Variants in MCC observed in about 807,000 individuals in gnomAD.
The protein encoded by MCC is MCC regulator of Wnt signaling pathway, also known as colorectal mutant cancer protein.
Under a neutral mutation model 116.2 loss-of-function variants are expected in MCC, and 90 were observed. The observed-to-expected ratio is 0.77, with a 90% CI of 0.65 to 0.92. The LOEUF (loss-of-function observed/expected upper bound fraction) is 0.92. Among genes scored for constraint, MCC ranks in the 40% least tolerant of loss-of-function variants. MCC has a pLI of 0.00. For missense variants in MCC, 1,516 were observed against 1,312.2 expected (o/e 1.16, Z -2.40); for synonymous variants, 578 against 510.5 (o/e 1.13, Z -1.78).
intron 3 of MCC, among the ~76,000 whole-genome samples, chr5:113,207,087 G>A (rs1762944197): frequency 6.6e-6 from 1 of 152,186 alleles, no homozygotes; most frequent in South Asian, 2.1e-4. Flanking sequence ...GTAAAACAGA[G>A]TTCAGTTTTT....
At position 113,024,775 on chromosome 5, in the gene MCC, C is replaced by T. The variant is rs916796010; in HGVS notation, c.*2527G>A. ...GTATAGTTTAGTTCAGTAGCTCCCA[C>T]AATTAGCATAATCAAGTGCCACCTA... is the stretch of plus-strand genomic sequence containing the variant. On this transcript the variant is annotated 3_prime_UTR_variant, in exon 19 of 19. Coordinates refer to ENST00000408903, the MANE Select transcript of MCC (RefSeq NM_001085377.2). 2 of 152,058 alleles carry T rather than the reference C, an allele frequency of 1.3e-5. No homozygotes were observed. The highest frequency in any genetic ancestry group is 2.9e-5 in the Non-Finnish European group (2 of 68,036). The allele number at this position is 152,058 out of a possible 1,614,324, so 9.4% of individuals were successfully genotyped here.
chr5:113,094,484 G>A (rs144493253), intron 8 of MCC, among the ~76,000 whole-genome samples: 1,901 of 150,288 alleles, frequency 0.013, 43 homozygotes, highest in African/African-American at 0.044. Context: ...GCAGTGGCGC[G>A]ATCACGGCTT....
chr5:113,029,284 T>G (rs569672878), intron 17 of MCC, among the ~76,000 whole-genome samples: 2 of 151,860 alleles, frequency 1.3e-5, no homozygotes, highest in South Asian at 2.1e-4. Flanking sequence ...TTTAAAGATC[T>G]TATGTGTCAA....
chr5:113,043,325 G>A (rs1385212246), intron 17 of MCC, among the ~76,000 whole-genome samples: 1 of 152,190 alleles, frequency 6.6e-6, no homozygotes, highest in African/African-American at 2.4e-5. Context: ...ATCAATGACT[G>A]CCTAAGTGCT....
At chr5:113,088,040 C>T (rs552505916) in intron 8 of MCC, among the ~76,000 whole-genome samples, 2 of 152,284 alleles carry the variant, frequency 1.3e-5, no homozygotes, top group East Asian at 3.9e-4. Flanking sequence ...AAAATAATTT[C>T]TAAATCTAAA....
intron 2 of MCC, among the ~76,000 whole-genome samples, chr5:113,347,308 CAG>C (rs940927348): frequency 2.0e-5 from 3 of 151,846 alleles, no homozygotes; most frequent in Non-Finnish European, 4.4e-5. Flanking sequence ...TAAAATGAGA[CAG>C]AGAGAAAGAA....
chr5:113,220,339 G>T (rs550944398), intron 3 of MCC, among the ~76,000 whole-genome samples: 1 of 151,818 alleles, frequency 6.6e-6, no homozygotes, highest in Non-Finnish European at 1.5e-5. Flanking sequence ...GATTTCAGGC[G>T]TGAGCCACTG....
chr5:113,445,468 G>C (rs1021777076), intron 1 of MCC, among the ~76,000 whole-genome samples: 1 of 152,036 alleles, frequency 6.6e-6, no homozygotes, highest in African/African-American at 2.4e-5. Flanking sequence ...TTCAAGCTAA[G>C]AGTCAAATCA....
At chr5:113,185,408 C>G (rs985541148) in intron 3 of MCC, among the ~76,000 whole-genome samples, 9 of 152,050 alleles carry the variant, frequency 5.9e-5, no homozygotes, top group African/African-American at 1.7e-4. Flanking sequence ...ACTTGACTTC[C>G]TAACAAGGGT....
At chr5:113,276,026 G>C (rs1267049683) in intron 3 of MCC, among the ~76,000 whole-genome samples, 1 of 148,546 alleles carries the variant, frequency 6.7e-6, no homozygotes, top group Non-Finnish European at 1.5e-5. Context: ...CATACCCATG[G>C]ATGGGCTGTC....
chr5:113,248,023 A>G (rs960093372), intron 3 of MCC, among the ~76,000 whole-genome samples: 9 of 152,072 alleles, frequency 5.9e-5, no homozygotes, highest in African/African-American at 2.2e-4. Flanking sequence ...GGCACACTTC[A>G]TAGTTAGGGG....
At chr5:113,265,679 CAT>C (rs770964523) in intron 3 of MCC, among the ~76,000 whole-genome samples, 18 of 152,164 alleles carry the variant, frequency 1.2e-4, no homozygotes, top group Non-Finnish European at 2.1e-4. Context: ...GGAACTTGAG[CAT>C]ATCTCTTGAT....
In MCC at chr5:113,385,207, T is replaced by G; in HGVS notation, c.176A>C (p.Asp59Ala). The change falls in exon 2 of 19, where the codon GAC becomes GCC. Residue 59 changes from aspartate (D) to alanine (A), a missense_variant. Physicochemically the swap from Asp to Ala is moderately radical, Grantham distance 126 (BLOSUM62 -2). Coordinates refer to ENST00000408903, the MANE Select transcript of MCC (RefSeq NM_001085377.2). ...CAGCTGGCGACAGACCATTAGCAAG[T>G]CATTTCTGCAGAAGGGGTTGAACAG... ...GDGDGYISRNDLLMVCRQLNM... is the reference protein window; with the variant it reads ...GDGDGYISRNALLMVCRQLNM... 6.2e-7 allele frequency: 1 copy of G among 1,613,684 alleles called. No individual in the cohort carries two copies. Among genetic ancestry groups the G allele is most frequent in the Non-Finnish European group, 8.5e-7 (1 of 1,179,638 alleles).
intron 1 of MCC, among the ~76,000 whole-genome samples, chr5:113,399,614 G>A (rs1052592172): frequency 6.6e-5 from 10 of 152,072 alleles, no homozygotes; most frequent in African/African-American, 2.4e-4. Flanking sequence ...AAATTTGTTA[G>A]TATTTTGCAG....
At chr5:113,182,808 A>G (rs934961694) in intron 3 of MCC, among the ~76,000 whole-genome samples, 8 of 152,334 alleles carry the variant, frequency 5.3e-5, no homozygotes, top group Admixed American at 3.3e-4. Context: ...ATGCATGCGC[A>G]TCCAATGAGG....
At chr5:113,075,693 A>G (rs6894711) in intron 11 of MCC, among the ~76,000 whole-genome samples, 151,358 of 152,284 alleles carry the variant, frequency 0.99, 75,231 homozygotes, top group Non-Finnish European at 1. Flanking sequence ...TGTGGGTGGG[A>G]CGAGATAAGG....
intron 6 of MCC, among the ~76,000 whole-genome samples, chr5:113,109,953 C>T (rs951487882): frequency 6.6e-6 from 1 of 152,176 alleles, no homozygotes; most frequent in African/African-American, 2.4e-5. Flanking sequence ...TCTCCCTCAG[C>T]CTCTGCTGTA....
chr5:113,122,578 C>A, intron 6 of MCC, 106 bp downstream of exon 6: 1 of 1,340,696 alleles, frequency 7.5e-7, no homozygotes. Context: ...ACTCAGCAAA[C>A]CCCTTGAAAA....
At chr5:113,485,393 G>A (rs924637704) in intron 1 of MCC, among the ~76,000 whole-genome samples, 4 of 152,204 alleles carry the variant, frequency 2.6e-5, no homozygotes, top group African/African-American at 9.6e-5. Flanking sequence ...ACAGAACCCA[G>A]ATTTTGTTTA....
Sources: allele counts gnomAD v4.1 joint callset (sites outside exome capture counted in the v4.1 genomes callset), GRCh38; gene constraint gnomAD v4.1.1; transcripts MANE v1.5; gene names NCBI Gene and HGNC (gene_info 2026-07-23, HGNC 2026-07-21).